TIAM1: variants seen among roughly 807,000 people sequenced by gnomAD.
TIAM1 encodes TIAM Rac1 associated GEF 1.
A neutral mutation model predicts 163.5 loss-of-function variants in TIAM1; 65 were observed. That is an observed-to-expected ratio of 0.40 (90% confidence interval 0.33 to 0.49). The LOEUF is 0.49. TIAM1 is among the 20% of genes least tolerant of loss of function. The pLI is 0.77. For synonymous variants in TIAM1, 833 were observed against 810.1 expected, an observed-to-expected ratio of 1.03 and a Z score of -0.48; for missense variants, 1,789 against 2,044.7, an observed-to-expected ratio of 0.87 and a Z score of 2.41.
At chr21:31,274,294 C>T (rs975446960) in intron 3 of TIAM1, among the ~76,000 whole-genome samples, 11 of 152,050 alleles carry the variant, frequency 7.2e-5, no homozygotes, top group African/African-American at 2.4e-4. Flanking sequence ...AGATACAGCA[C>T]GTACCTTGCA....
At chr21:31,391,046 G>A (rs531233500) in intron 2 of TIAM1, among the ~76,000 whole-genome samples, 2 of 152,228 alleles carry the variant, frequency 1.3e-5, no homozygotes, top group South Asian at 4.2e-4. Flanking sequence ...CAATGCCCAC[G>A]TCCAGGCCTT....
At chr21:31,366,287 T>C (rs538018728) in intron 2 of TIAM1, among the ~76,000 whole-genome samples, 4 of 152,178 alleles carry the variant, frequency 2.6e-5, no homozygotes, top group South Asian at 2.1e-4. Context: ...GTTTGTCACA[T>C]TGTAAAAGGC....
intron 2 of TIAM1, among the ~76,000 whole-genome samples, chr21:31,449,856 T>C (rs530086493): frequency 1.3e-5 from 2 of 152,268 alleles, no homozygotes; most frequent in South Asian, 2.1e-4. Context: ...TCCCTGCAGA[T>C]TGACCAAGCC....
At position 31,119,319 on chromosome 21, in the gene TIAM1, T is replaced by C. The variant is rs185041550; in HGVS notation, c.*1049A>G. 4.5e-3 allele frequency: 694 copies of C among 152,662 alleles called. 6 individuals carry two copies. Among genetic ancestry groups the C allele is most frequent in the Middle Eastern group, 0.031 (9 of 294 alleles). 9.5% of individuals were successfully genotyped at this position (152,662 alleles called of 1,614,324 possible). On this transcript the variant is annotated 3_prime_UTR_variant, in exon 28 of 28. Coordinates refer to ENST00000541036, the MANE Select transcript of TIAM1 (RefSeq NM_001353694.2). ...GGGGAAGGTAATCTATGGATGAAGA[T>C]GCAATTTTGATGGAAAAACCAATGA...
intron 4 of TIAM1, among the ~76,000 whole-genome samples, chr21:31,262,294 ATGC>A (rs2072522102): frequency 6.6e-6 from 1 of 152,216 alleles, no homozygotes; most frequent in South Asian, 2.1e-4. Context: ...AAGCTCAGAT[ATGC>A]TGCTAACTTC....
upstream of TIAM1, among the ~76,000 whole-genome samples, chr21:31,349,190 T>G (rs1013707483): frequency 4.6e-5 from 7 of 152,190 alleles, no homozygotes; most frequent in African/African-American, 1.7e-4. Context: ...CCAAATTAGA[T>G]TTCCTTACAG....
intron 2 of TIAM1, among the ~76,000 whole-genome samples, chr21:31,404,362 ATACT>A (rs2077212973): frequency 6.6e-6 from 1 of 152,238 alleles, no homozygotes; most frequent in African/African-American, 2.4e-5. Flanking sequence ...CGTGTTAAAA[ATACT>A]TAAGCAAACA....
At chr21:31,219,228 AC>A (rs72074371) in intron 8 of TIAM1, among the ~76,000 whole-genome samples, 11,833 of 151,950 alleles carry the variant, frequency 0.078, 1,562 homozygotes, top group African/African-American at 0.27. Context: ...ACTTTATCCT[AC>A]CAGGTGGCAA....
intron 1 of TIAM1, among the ~76,000 whole-genome samples, chr21:31,498,158 C>T (rs918989785): frequency 2.6e-5 from 4 of 152,204 alleles, no homozygotes. Flanking sequence ...GAGATAACAG[C>T]CAACAAGCCA....
chr21:31,378,706 G>A (rs71321383), intron 2 of TIAM1, among the ~76,000 whole-genome samples: 7,529 of 152,050 alleles, frequency 0.05, 438 homozygotes, highest in African/African-American at 0.14. Flanking sequence ...GTTGGTCTTC[G>A]GTATCCGTAG....
chr21:31,349,726 C>T (rs924742396), intron 2 of TIAM1, among the ~76,000 whole-genome samples: 2 of 152,128 alleles, frequency 1.3e-5, no homozygotes, highest in East Asian at 1.9e-4. Flanking sequence ...AGTATCCCAT[C>T]GGGGAGGCCT....
At chr21:31,507,643 C>T (rs568262313) in intron 1 of TIAM1, among the ~76,000 whole-genome samples, 3 of 152,278 alleles carry the variant, frequency 2.0e-5, no homozygotes, top group East Asian at 1.9e-4. Flanking sequence ...ACCTGGGATA[C>T]GATCAATCAT....
intron 1 of TIAM1, among the ~76,000 whole-genome samples, chr21:31,552,706 G>A (rs1303791715): frequency 6.6e-6 from 1 of 152,082 alleles, no homozygotes; most frequent in Non-Finnish European, 1.5e-5. Flanking sequence ...GGAGATGGAG[G>A]TTGCAGTGAG....
At chr21:31,407,904 C>A (rs58029659) in intron 2 of TIAM1, among the ~76,000 whole-genome samples, 1 of 152,166 alleles carries the variant, frequency 6.6e-6, no homozygotes, top group South Asian at 2.1e-4. Context: ...TCCCAAAATG[C>A]TAGGATAACA....
chr21:31,214,091 G>C (rs1196941845), intron 9 of TIAM1, among the ~76,000 whole-genome samples: 28 of 152,026 alleles, frequency 1.8e-4, no homozygotes, highest in Admixed American at 1.8e-3. Flanking sequence ...TTGGGAGGCT[G>C]AGGCAGGAGG....
At chr21:31,256,159 A>G (rs2072088093) in intron 4 of TIAM1, among the ~76,000 whole-genome samples, 1 of 152,204 alleles carries the variant, frequency 6.6e-6, no homozygotes, top group Non-Finnish European at 1.5e-5. Context: ...ATGAATGTAG[A>G]CTAATGACAC....
intron 1 of TIAM1, among the ~76,000 whole-genome samples, chr21:31,515,359 G>A (rs572325967): frequency 6.6e-6 from 1 of 152,268 alleles, no homozygotes; most frequent in South Asian, 2.1e-4. Flanking sequence ...CAAAATCTGT[G>A]CACTGTGCCC....
Position 31,417,690 on chromosome 21 carries a change from A to G in TIAM1, c.-369+46293T>C, listed in dbSNP as rs78778550. ...GCACTTGCCATCAGGGACAGAAGAG[A>G]ACAGATGTACACCTGCAGGTCAATT... is the stretch of plus-strand genomic sequence containing the variant. On this transcript the variant is annotated intron_variant, in intron 2 of 28. Transcript: ENST00000286827. Among the ~76,000 whole-genome samples the G allele has an allele frequency of 2.6e-3, 403 of 152,288 alleles. 6 individuals are homozygous for G. In the South Asian group the frequency reaches 0.041, roughly 16 times the overall value.
At chr21:31,166,564 G>A (rs1168503332) in intron 15 of TIAM1, among the ~76,000 whole-genome samples, 3 of 152,194 alleles carry the variant, frequency 2.0e-5, no homozygotes, top group African/African-American at 7.2e-5. Flanking sequence ...CTAAGTGAGT[G>A]TACCCTGAAT....
Sources: gnomAD v4.1 joint callset for allele counts (sites outside exome capture counted in the v4.1 genomes callset) on GRCh38, gnomAD v4.1.1 for gene constraint, MANE v1.5 for transcripts, NCBI Gene and HGNC (gene_info 2026-07-23, HGNC 2026-07-21) for gene names.